LDLRAD3: variants seen among roughly 807,000 people sequenced by gnomAD.
LDLRAD3 encodes the protein low-density lipoprotein receptor class A domain-containing protein 3.
Under a neutral mutation model 29.4 loss-of-function variants are expected in LDLRAD3, and 20 were observed. That is an observed-to-expected ratio of 0.68 (90% confidence interval 0.48 to 0.99). The LOEUF (loss-of-function observed/expected upper bound fraction) is 0.99. Ranked by LOEUF, LDLRAD3 falls within the 50% of genes least tolerant of loss-of-function variation. The probability of loss-of-function intolerance (pLI) is 0.00; values close to 1 mark genes in which losing one functional copy is unlikely to be tolerated. For missense variants in LDLRAD3, 420 were observed against 454.3 expected, an observed-to-expected ratio of 0.92 and a Z score of 0.69; for synonymous variants, 157 against 192.7, an observed-to-expected ratio of 0.81 and a Z score of 1.53.
At chr11:35,986,320 A>G (rs1221651192) in intron 1 of LDLRAD3, among the ~76,000 whole-genome samples, 2 of 152,358 alleles carry the variant, frequency 1.3e-5, no homozygotes, top group Non-Finnish European at 2.9e-5. Context: ...ATATAGAAGA[A>G]AAGAAATGTG....
At chr11:36,107,222 CA>C (rs898131733) in intron 4 of LDLRAD3, among the ~76,000 whole-genome samples, 4 of 149,218 alleles carry the variant, frequency 2.7e-5, no homozygotes, top group African/African-American at 5.0e-5. Flanking sequence ...TTTTTTGAGA[CA>C]GAGTTTCACT....
chr11:36,057,592 C>T (rs537529733), intron 2 of LDLRAD3, among the ~76,000 whole-genome samples: 7 of 152,284 alleles, frequency 4.6e-5, no homozygotes, highest in East Asian at 3.9e-4. Context: ...GGCCTTGAAG[C>T]GGTACTGGAC....
chr11:36,002,983 A>G (rs1184396491), intron 1 of LDLRAD3, among the ~76,000 whole-genome samples: 1 of 152,250 alleles, frequency 6.6e-6, no homozygotes, highest in Non-Finnish European at 1.5e-5. Flanking sequence ...TTACGTTATC[A>G]TCACATTTTG....
At position 36,213,164 on chromosome 11, in the gene LDLRAD3, T is replaced by C. The variant is rs1173572318; in HGVS notation, c.455-13921T>C. Among the ~76,000 whole-genome samples, 2 of 151,796 alleles carry C rather than the reference T, an allele frequency of 1.3e-5. No homozygotes were observed. The highest frequency in any genetic ancestry group is 4.8e-5 in the African/African-American group (2 of 41,294). On this transcript the variant is annotated intron_variant, in intron 4 of 5. Coordinates refer to ENST00000315571, the MANE Select transcript of LDLRAD3 (RefSeq NM_174902.4). This position sits in a 1 kb window ranked among gnomAD's most constrained non-coding sequence, Gnocchi z 4.1. ...TTTGAATTTAATCCTCGGGCACTTG[T>C]CTCCCAGCTCTCAATGGTCCTGGTT...
intron 1 of LDLRAD3, among the ~76,000 whole-genome samples, chr11:35,964,027 T>C (rs1167090192): frequency 6.6e-6 from 1 of 152,170 alleles, no homozygotes; most frequent in East Asian, 1.9e-4. Flanking sequence ...GGGAAGGCAG[T>C]CCTTGATGTG....
chr11:36,002,634 C>T (rs910405608), intron 1 of LDLRAD3, among the ~76,000 whole-genome samples: 1 of 152,214 alleles, frequency 6.6e-6, no homozygotes, highest in Non-Finnish European at 1.5e-5. Flanking sequence ...GGGGAGGGTC[C>T]ACTGGAACCT....
chr11:35,987,594 T>A (rs1851630739), intron 1 of LDLRAD3, among the ~76,000 whole-genome samples: 1 of 152,232 alleles, frequency 6.6e-6, no homozygotes, highest in African/African-American at 2.4e-5. Flanking sequence ...AAGATTTTGT[T>A]ATTTTTATGG....
At chr11:36,144,821 C>G (rs1480792495) in intron 4 of LDLRAD3, among the ~76,000 whole-genome samples, 1 of 129,240 alleles carries the variant, frequency 7.7e-6, no homozygotes, top group Non-Finnish European at 1.7e-5. Context: ...GTCAGCCCCC[C>G]GCCCGGCCAG....
At chr11:36,126,521 T>A (rs1460119228) in intron 4 of LDLRAD3, among the ~76,000 whole-genome samples, 1 of 152,098 alleles carries the variant, frequency 6.6e-6, no homozygotes. Context: ...GCCTTCGGTG[T>A]GGTCAGGGTC....
chr11:36,074,204 G>A (rs1367922154), intron 2 of LDLRAD3, among the ~76,000 whole-genome samples: 1 of 152,238 alleles, frequency 6.6e-6, no homozygotes, highest in African/African-American at 2.4e-5. Context: ...GTAAATGAAA[G>A]TATGCAAATG....
chr11:36,159,039 C>T (rs563582050), intron 4 of LDLRAD3, among the ~76,000 whole-genome samples: 1 of 152,214 alleles, frequency 6.6e-6, no homozygotes, highest in South Asian at 2.1e-4. Flanking sequence ...TAATTTTGTA[C>T]GTGTTGGCTG....
chr11:36,003,162 G>A lies in LDLRAD3; in HGVS notation c.47-32941G>A, dbSNP rs368401131. On this transcript the variant is annotated intron_variant, in intron 1 of 5. Transcript: ENST00000315571. ...TCAATATCAGAGGTGATGAGAGGGT[G>A]ATCTGGCTGTGACAGGTCACTCTTC... Among the ~76,000 whole-genome samples, 37 of 152,326 alleles carry A rather than the reference G, an allele frequency of 2.4e-4. 3 individuals carry two copies. The South Asian group carries it at 7.3e-3, about 30-fold the overall frequency.
chr11:36,138,317 G>A (rs780679593), intron 4 of LDLRAD3, among the ~76,000 whole-genome samples: 9 of 152,240 alleles, frequency 5.9e-5, no homozygotes, highest in East Asian at 3.8e-4. Context: ...AATGTGTGTC[G>A]TGCCTAGCAC....
chr11:36,082,356 A>G (rs182688773), intron 3 of LDLRAD3, among the ~76,000 whole-genome samples: 2 of 152,204 alleles, frequency 1.3e-5, no homozygotes, highest in African/African-American at 2.4e-5. Context: ...AAAAAGTACA[A>G]AAGTTAAGTA....
chr11:35,965,084 C>T (rs1250873728), intron 1 of LDLRAD3, among the ~76,000 whole-genome samples: 2 of 151,276 alleles, frequency 1.3e-5, no homozygotes, highest in African/African-American at 4.9e-5. Flanking sequence ...AATTCCCAGG[C>T]TTGGATATTA....
At chr11:35,980,362 G>A (rs1445580319) in intron 1 of LDLRAD3, among the ~76,000 whole-genome samples, 2 of 152,040 alleles carry the variant, frequency 1.3e-5, no homozygotes, top group Admixed American at 6.6e-5. Context: ...CTCCTGTTAG[G>A]GAACCGATCC....
chr11:36,183,763 C>A (rs930816455), intron 4 of LDLRAD3, among the ~76,000 whole-genome samples: 3 of 152,042 alleles, frequency 2.0e-5, no homozygotes, highest in Admixed American at 1.3e-4. Flanking sequence ...ATCTGTTAAC[C>A]TCTCGTCCAT....
intron 1 of LDLRAD3, chr11:35,967,926 TTCACGCAAA>T (rs1356712748): frequency 1.0e-5 from 4 of 391,838 alleles, no homozygotes; most frequent in African/African-American, 8.4e-5. Flanking sequence ...GAGCATAAAC[TTCACGCAAA>T]GCCAAATTCT....
intron 4 of LDLRAD3, among the ~76,000 whole-genome samples, chr11:36,101,746 A>G (rs1183697399): frequency 6.6e-6 from 1 of 152,170 alleles, no homozygotes; most frequent in East Asian, 1.9e-4. Context: ...GTGCTTGACC[A>G]AAGGAACCCC....
Sources: allele counts gnomAD v4.1 joint callset (sites outside exome capture counted in the v4.1 genomes callset), GRCh38; gene constraint gnomAD v4.1.1; non-coding constraint Gnocchi (gnomAD v3.1); transcripts MANE v1.5; gene names NCBI Gene and HGNC (gene_info 2026-07-23, HGNC 2026-07-21).